Variants in CDK6 observed in about 807,000 individuals in gnomAD.
CDK6 encodes the protein cyclin-dependent kinase 6.
CDK6 carries 6 observed loss-of-function variants against 37.1 expected under a neutral mutation model. The observed-to-expected ratio is 0.16, with a 90% confidence interval of 0.09 to 0.32. The LOEUF is 0.32. Ranked by LOEUF, CDK6 falls within the 10% of genes least tolerant of loss-of-function variation. The pLI is 1.00. For synonymous variants in CDK6, 160 were observed against 161.3 expected (o/e 0.99, Z 0.06); for missense variants, 224 against 418.9 (o/e 0.53, Z 4.06).
chr7:92,754,371 T>C (rs540029838), intron 3 of CDK6, among the ~76,000 whole-genome samples: 1 of 152,308 alleles, frequency 6.6e-6, no homozygotes, highest in South Asian at 2.1e-4. Context: ...CAAAGCAAAA[T>C]GGTCTCTTTT....
intron 4 of CDK6, among the ~76,000 whole-genome samples, chr7:92,715,914 A>T (rs1357972508): frequency 1.3e-5 from 2 of 152,228 alleles, no homozygotes; most frequent in African/African-American, 4.8e-5. Flanking sequence ...AAAGCATAAC[A>T]TACAGAACAT....
chr7:92,694,224 G>T (rs1264708901), intron 4 of CDK6, among the ~76,000 whole-genome samples: 1 of 152,054 alleles, frequency 6.6e-6, no homozygotes, highest in Admixed American at 6.6e-5. Flanking sequence ...AATAACCTTT[G>T]TATATTTATT....
chr7:92,688,209 C>T lies in CDK6; in HGVS notation c.538-16674G>A, dbSNP rs73404480. ...GTGGTTGAACCATTTTACACTCCCA[C>T]CAGAAATGTATGAGAGTTACAGTTT... On this transcript the variant is annotated intron_variant, in intron 4 of 7. Coordinates refer to ENST00000424848, the MANE Select transcript of CDK6 (RefSeq NM_001145306.2). 4.1e-3 allele frequency among the ~76,000 whole-genome samples: 624 copies of T among 152,238 alleles called. 5 individuals are homozygous for T. The highest frequency in any genetic ancestry group is 0.014 in the African/African-American group (585 of 41,538).
chr7:92,641,074 C>T (rs1796294106), intron 5 of CDK6, among the ~76,000 whole-genome samples: 1 of 152,110 alleles, frequency 6.6e-6, no homozygotes, highest in African/African-American at 2.4e-5. Flanking sequence ...ATAGGAAAAA[C>T]AGTTGAAAGA....
chr7:92,749,332 C>T (rs1799135489), intron 3 of CDK6, among the ~76,000 whole-genome samples: 1 of 152,046 alleles, frequency 6.6e-6, no homozygotes, highest in Admixed American at 6.6e-5. Context: ...AAAAAGTTAG[C>T]TTGGTGTGGT....
chr7:92,750,371 G>A (rs1395806430), intron 3 of CDK6, among the ~76,000 whole-genome samples: 2 of 152,146 alleles, frequency 1.3e-5, no homozygotes, highest in African/African-American at 4.8e-5. Context: ...ACTGATTTGT[G>A]TATAAGTGAT....
At chr7:92,781,112 T>A (rs1195720976) in intron 2 of CDK6, among the ~76,000 whole-genome samples, 1 of 152,252 alleles carries the variant, frequency 6.6e-6, no homozygotes, top group Admixed American at 6.5e-5. Context: ...AAAGTCAAAG[T>A]GCAAACTGGT....
At chr7:92,814,056 A>G (rs1800958703) in intron 2 of CDK6, among the ~76,000 whole-genome samples, 1 of 152,212 alleles carries the variant, frequency 6.6e-6, no homozygotes, top group Non-Finnish European at 1.5e-5. Context: ...CAAAGAATTA[A>G]TTCATAGTGG....
intron 3 of CDK6, among the ~76,000 whole-genome samples, chr7:92,748,986 G>A (rs1799124520): frequency 6.6e-6 from 1 of 152,118 alleles, no homozygotes; most frequent in African/African-American, 2.4e-5. Context: ...ATATCACAAG[G>A]TCAGGAGTTT....
chr7:92,702,220 CTTTTTTTTTTTT>C (rs3066453), intron 4 of CDK6, among the ~76,000 whole-genome samples: 23 of 44,956 alleles, frequency 5.1e-4, no homozygotes, highest in African/African-American at 1.9e-3. Flanking sequence ...CAAGTATATT[CTTTTTTTTTTTT>C]TTTTTTTTTT....
rs370436098 is a variant in CDK6 at position 92,658,415 on chromosome 7, T to C, written c.647+13011A>G. Among the ~76,000 whole-genome samples, 63 of 152,336 alleles carry C rather than the reference T, an allele frequency of 4.1e-4. 1 individual carries two copies. Among genetic ancestry groups the C allele is most frequent in the Middle Eastern group, 3.4e-3 (1 of 294 alleles). ...TATGAAATAAATGAACTGACAGTTA[T>C]TAATCTGTTTAAAAATGAGTTAAAT... On this transcript the variant is annotated intron_variant, in intron 5 of 7. Coordinates refer to ENST00000424848, the MANE Select transcript of CDK6 (RefSeq NM_001145306.2).
chr7:92,678,826 G>A (rs1797267110), intron 4 of CDK6, among the ~76,000 whole-genome samples: 1 of 152,208 alleles, frequency 6.6e-6, no homozygotes. Flanking sequence ...CCAATGGGAA[G>A]TCTCGGCAGG....
intron 6 of CDK6, among the ~76,000 whole-genome samples, chr7:92,621,056 G>C (rs185273583): frequency 1.2e-3 from 184 of 152,274 alleles, no homozygotes; most frequent in African/African-American, 4.3e-3. Context: ...TCCACTATTT[G>C]GACTGCTGAA....
chr7:92,616,021 T>C (rs1002831189), intron 7 of CDK6, among the ~76,000 whole-genome samples: 5 of 152,176 alleles, frequency 3.3e-5, no homozygotes, highest in African/African-American at 1.2e-4. Flanking sequence ...CCTCCTCTCC[T>C]TCCATCAACG....
intron 5 of CDK6, among the ~76,000 whole-genome samples, chr7:92,666,684 C>T (rs942623457): frequency 6.6e-6 from 1 of 152,084 alleles, no homozygotes; most frequent in African/African-American, 2.4e-5. Flanking sequence ...GCCATCTTAA[C>T]GTTATTGTAG....
At position 92,774,822 on chromosome 7, in the gene CDK6, A is replaced by G. The variant is rs2115786260; in HGVS notation, c.243T>C (p.Asp81=). ...TGTCTGTTCGTGACACTGTGCACAC[A>G]TCAAACAACCTAGAAGAAAAAACAA... ...FEHPNVVRLF[D]VCTVSRTDRE... is the part of the protein sequence containing the mutation. Residue 81 remains aspartate, a synonymous_variant, in exon 3 of 8, where the codon GAT becomes GAC. Transcript: ENST00000424848. 1 of 1,608,838 alleles carries G rather than the reference A, an allele frequency of 6.2e-7. No homozygotes were observed. Among genetic ancestry groups the G allele is most frequent in the Non-Finnish European group, 8.5e-7 (1 of 1,178,326 alleles).
At chr7:92,819,263 A>G (rs900987063) in intron 2 of CDK6, among the ~76,000 whole-genome samples, 2 of 152,086 alleles carry the variant, frequency 1.3e-5, no homozygotes, top group African/African-American at 4.8e-5. Context: ...GAATCTCAAA[A>G]ACACTATCAA....
intron 4 of CDK6, among the ~76,000 whole-genome samples, chr7:92,701,469 G>A (rs975926124): frequency 2.0e-5 from 3 of 151,332 alleles, no homozygotes; most frequent in East Asian, 3.9e-4. Context: ...GTAGTGGTGC[G>A]ATCTCCACTC....
rs1801638589 is a variant in CDK6, at chr7:92,835,527, C to A, written c.-368+951G>T. ...CCACGCTGGCTGAATGTGACTTGAC[C>A]CCATTTCAAAAAAAGTTTGACATAG... On this transcript the variant is annotated intron_variant, in intron 1 of 7. Coordinates refer to ENST00000424848, the MANE Select transcript of CDK6 (RefSeq NM_001145306.2). This position sits in a 1 kb window ranked among gnomAD's most constrained non-coding sequence, Gnocchi z 4.2. 6.6e-6 allele frequency among the ~76,000 whole-genome samples: 1 copy of A among 152,158 alleles called. No homozygotes were observed. The highest frequency in any genetic ancestry group is 2.4e-5 in the African/African-American group (1 of 41,444).
Sources: gnomAD v4.1 joint callset for allele counts (sites outside exome capture counted in the v4.1 genomes callset) on GRCh38, gnomAD v4.1.1 for gene constraint, Gnocchi (gnomAD v3.1) non-coding constraint, MANE v1.5 for transcripts, NCBI Gene and HGNC (gene_info 2026-07-23, HGNC 2026-07-21) for gene names.